The following TMEM178B variants were observed in gnomAD, a reference collection of about 807,000 sequenced individuals.
TMEM178B encodes transmembrane protein 178B.
TMEM178B carries 5 observed loss-of-function variants against 31.0 expected under a neutral mutation model. The ratio of observed to expected loss-of-function variants is 0.16; its 90% CI spans 0.08 to 0.34. The LOEUF is 0.34. TMEM178B is among the 10% of genes least tolerant of loss of function. TMEM178B has a pLI of 1.00. For synonymous variants in TMEM178B, 164 were observed against 164.0 expected, an observed-to-expected ratio of 1.00 and a Z score of 0.00; for missense variants, 275 against 400.3, an observed-to-expected ratio of 0.69 and a Z score of 2.67.
chr7:141,138,438 T>C (rs1413027245), intron 1 of TMEM178B, among the ~76,000 whole-genome samples: 2 of 151,968 alleles, frequency 1.3e-5, no homozygotes, highest in African/African-American at 4.8e-5. Flanking sequence ...GCCAGTTCCT[T>C]TGTAAGGTCT....
chr7:141,288,178 C>A (rs1798479417), intron 2 of TMEM178B, among the ~76,000 whole-genome samples: 2 of 144,466 alleles, frequency 1.4e-5, no homozygotes, highest in African/African-American at 5.1e-5. Flanking sequence ...GTGTGGCCCT[C>A]TTTAGATGCC....
chr7:141,397,277 G>C (rs897852582), intron 2 of TMEM178B, among the ~76,000 whole-genome samples: 3 of 152,124 alleles, frequency 2.0e-5, no homozygotes, highest in Non-Finnish European at 2.9e-5. Context: ...AGCCTTGAGA[G>C]ACAAGAAAAG....
chr7:141,148,233 T>C (rs1795887356), intron 1 of TMEM178B, among the ~76,000 whole-genome samples: 1 of 152,174 alleles, frequency 6.6e-6, no homozygotes, highest in Admixed American at 6.5e-5. Flanking sequence ...TGCCTCTCTT[T>C]TACAAGGACC....
At chr7:141,504,550 G>C in the TMEM178B span, among the ~76,000 whole-genome samples, 1 of 152,198 alleles carries the variant, frequency 6.6e-6, no homozygotes, top group African/African-American at 2.4e-5. Context: ...TAATAAATTT[G>C]CTAAAGCTGA....
intron 1 of TMEM178B, among the ~76,000 whole-genome samples, chr7:141,192,302 C>T (rs759951467): frequency 3.3e-5 from 5 of 151,992 alleles, no homozygotes; most frequent in Non-Finnish European, 7.4e-5. Context: ...TCAGCAGAGA[C>T]ACCAGAGGTT....
rs1025854980 is a variant in TMEM178B at position 141,262,184 on chromosome 7, A to G, written c.496+49480A>G. 5.3e-5 allele frequency among the ~76,000 whole-genome samples: 8 copies of G among 152,134 alleles called. No individual in the cohort carries two copies. In the East Asian group the frequency reaches 5.8e-4, roughly 11 times the overall value. On this transcript the variant is annotated intron_variant, in intron 2 of 3. Coordinates refer to ENST00000565468, the MANE Select transcript of TMEM178B (RefSeq NM_001195278.2). ...GGGCCATCTTTTATAAAGTGGCTTC[A>G]CTTAGTGAATCCATTTGATTTGCAT... is the stretch of plus-strand genomic sequence containing the variant.
chr7:141,170,363 C>A (rs1049853518), intron 1 of TMEM178B, among the ~76,000 whole-genome samples: 3 of 151,954 alleles, frequency 2.0e-5, no homozygotes, highest in African/African-American at 7.3e-5. Flanking sequence ...AGGTATAATC[C>A]GTCTTACAGT....
At chr7:141,145,282 T>A (rs1052993033) in intron 1 of TMEM178B, among the ~76,000 whole-genome samples, 2 of 152,126 alleles carry the variant, frequency 1.3e-5, no homozygotes, top group Admixed American at 1.3e-4. Context: ...ACTCTGCCAC[T>A]CCACCCAGGG....
downstream of TMEM178B, among the ~76,000 whole-genome samples, chr7:141,483,736 C>T (rs58893681): frequency 0.065 from 8,108 of 124,478 alleles, 349 homozygotes; most frequent in East Asian, 0.23. Flanking sequence ...TCTTGCCCTT[C>T]TTCTTTTTTT....
chr7:141,190,482 T>A (rs1402397578), intron 1 of TMEM178B, among the ~76,000 whole-genome samples: 2 of 151,994 alleles, frequency 1.3e-5, no homozygotes, highest in Non-Finnish European at 2.9e-5. Context: ...GCTAATTTTT[T>A]TTTTTTTATA....
intron 2 of TMEM178B, among the ~76,000 whole-genome samples, chr7:141,215,491 A>G (rs1797118538): frequency 6.6e-6 from 1 of 151,882 alleles, no homozygotes; most frequent in Non-Finnish European, 1.5e-5. Flanking sequence ...ATGCCCAGCT[A>G]ACTTCTGTAT....
chr7:141,385,124 C>T (rs1800407322), intron 2 of TMEM178B, among the ~76,000 whole-genome samples: 1 of 152,166 alleles, frequency 6.6e-6, no homozygotes, highest in African/African-American at 2.4e-5. Context: ...GCTTTTAGGT[C>T]ACCCAATTTT....
At chr7:141,151,509 A>G (rs2129180529) in intron 1 of TMEM178B, among the ~76,000 whole-genome samples, 1 of 152,174 alleles carries the variant, frequency 6.6e-6, no homozygotes, top group South Asian at 2.1e-4. Flanking sequence ...ACCTGACTCT[A>G]AGGCAGGGGC....
At chr7:141,145,115 G>C (rs1485977908) in intron 1 of TMEM178B, among the ~76,000 whole-genome samples, 1 of 152,216 alleles carries the variant, frequency 6.6e-6, no homozygotes, top group Non-Finnish European at 1.5e-5. Flanking sequence ...GTGACTCAAA[G>C]CTCTGTTCCT....
chr7:141,407,980 C>T lies in TMEM178B; in HGVS notation c.497-29628C>T, dbSNP rs909535015. ...ACACATGCCAACCCCATGATGTAGG[C>T]AGGTCTCCTTTTCCAGAAAAGGAAT... is the stretch of plus-strand genomic sequence containing the variant. On this transcript the variant is annotated intron_variant, in intron 2 of 3. Coordinates refer to ENST00000565468, the MANE Select transcript of TMEM178B (RefSeq NM_001195278.2). 3.7e-4 allele frequency among the ~76,000 whole-genome samples: 56 copies of T among 152,264 alleles called. 1 individual carries two copies. The highest frequency in any genetic ancestry group is 2.2e-3 in the Admixed American group (34 of 15,302).
At chr7:141,236,816 G>A (rs1347377852) in intron 2 of TMEM178B, among the ~76,000 whole-genome samples, 1 of 152,182 alleles carries the variant, frequency 6.6e-6, no homozygotes, top group Non-Finnish European at 1.5e-5. Flanking sequence ...TGATAGGTTT[G>A]TTCACATTCA....
intron 2 of TMEM178B, among the ~76,000 whole-genome samples, chr7:141,432,381 C>T (rs751551084): frequency 2.0e-5 from 3 of 152,142 alleles, no homozygotes; most frequent in Non-Finnish European, 2.9e-5. Flanking sequence ...TCTTGAATGC[C>T]TGACCTCAGG....
chr7:141,243,585 C>T (rs1369906526), intron 2 of TMEM178B, among the ~76,000 whole-genome samples: 2 of 152,010 alleles, frequency 1.3e-5, no homozygotes, highest in Non-Finnish European at 2.9e-5. Context: ...AGAAGTGTGA[C>T]CGTTACCAGG....
chr7:141,281,484 T>A (rs1798359273), intron 2 of TMEM178B, among the ~76,000 whole-genome samples: 1 of 152,128 alleles, frequency 6.6e-6, no homozygotes, highest in Non-Finnish European at 1.5e-5. Flanking sequence ...ACGTGCGTTG[T>A]CTGTCTGGCA....
Sources: allele counts gnomAD v4.1 joint callset (sites outside exome capture counted in the v4.1 genomes callset), GRCh38; gene constraint gnomAD v4.1.1; transcripts MANE v1.5; gene names NCBI Gene and HGNC (gene_info 2026-07-23, HGNC 2026-07-21).